LAT2: variants seen among roughly 807,000 people sequenced by gnomAD.
The protein encoded by LAT2 is linker for activation of T cells family member 2, also known as linker for activation of T-cells family member 2.
Under a neutral mutation model 43.4 loss-of-function variants are expected in LAT2, and 23 were observed. That is an observed-to-expected ratio of 0.53 (90% CI 0.38 to 0.75). The LOEUF (loss-of-function observed/expected upper bound fraction) is 0.75, where lower values mean the gene tolerates loss of function less well. Among genes scored for constraint, LAT2 ranks in the 30% least tolerant of loss-of-function variants. The probability of loss-of-function intolerance (pLI) is 0.00; values close to 1 mark genes in which losing one functional copy is unlikely to be tolerated. For synonymous variants in LAT2, 128 were observed against 123.2 expected (o/e 1.04, Z -0.26); for missense variants, 284 against 310.2 (o/e 0.92, Z 0.64).
intron 12 of LAT2, 111 bp from the exon 13 acceptor site, chr7:74,224,528 T>C: frequency 1.1e-6 from 1 of 894,916 alleles, no homozygotes; most frequent in Non-Finnish European, 1.8e-6. Flanking sequence ...CTGTCGGGCG[T>C]GGCATTTCCC....
intron 1 of LAT2, among the ~76,000 whole-genome samples, chr7:74,213,702 C>T (rs575459167): frequency 8.5e-5 from 13 of 152,230 alleles, no homozygotes; most frequent in South Asian, 6.2e-4. Context: ...GGATTACAGG[C>T]GTGAGCCACC....
intron 13 of LAT2, among the ~76,000 whole-genome samples, chr7:74,228,247 C>A (rs1274256605): frequency 7.8e-6 from 1 of 128,904 alleles, no homozygotes; most frequent in East Asian, 2.6e-4. Context: ...GAGGCTGAGG[C>A]GGGCGGATCA....
chr7:74,219,669 T>C, intron 4 of LAT2, 75 bp from the exon 5 acceptor site: 2 of 1,567,296 alleles, frequency 1.3e-6, no homozygotes, highest in Non-Finnish European at 1.8e-6. Flanking sequence ...TCCCTGCCTG[T>C]CCCTCCCTCC....
intron 12 of LAT2, 82 bp downstream of exon 12, chr7:74,224,279 G>A (rs1481830530): frequency 1.4e-6 from 2 of 1,449,338 alleles, no homozygotes; most frequent in African/African-American, 2.8e-5. Context: ...CTGAAAGTGG[G>A]CTTCCCTCCA....
Position 74,229,233 on chromosome 7 carries a change from A to T in LAT2, c.*308A>T, listed in dbSNP as rs1802603173. On this transcript the variant is annotated 3_prime_UTR_variant, in exon 14 of 14. Transcript: ENST00000460943. ...TGGACGGATGCGCAGGATTTAGGATAAGCTGTCACCCAGTCCCCATAACAA... is the reference window on the plus strand; with the variant it reads ...TGGACGGATGCGCAGGATTTAGGATTAGCTGTCACCCAGTCCCCATAACAA... 6.6e-6 allele frequency: 1 copy of T among 152,270 alleles called. No individual in the cohort carries two copies. Among genetic ancestry groups the T allele is most frequent in the South Asian group, 2.1e-4 (1 of 4,838 alleles). The allele number at this position is 152,270 out of a possible 1,614,324, so 9.4% of individuals were successfully genotyped here.
At position 74,224,165 on chromosome 7, in the gene LAT2, T is replaced by C; in HGVS notation, c.596T>C (p.Ile199Thr). ...GAGGATTATCAGAACTCAGCATCCA[T>C]CCATCAGTGGCGCGAGTCCAGGAAG... The part of the protein sequence containing the change: ...ESEDYQNSAS[I>T]HQWRESRKVM... The change falls in exon 12 of 14, where the codon ATC (isoleucine) becomes ACC (threonine). Residue 199 changes from isoleucine to threonine, a missense_variant. Coordinates refer to ENST00000460943, the MANE Select transcript of LAT2 (RefSeq NM_032464.3). 1 of 1,614,076 alleles carries C rather than the reference T, an allele frequency of 6.2e-7. No homozygotes were observed. Among genetic ancestry groups the C allele is most frequent in the Non-Finnish European group, 8.5e-7 (1 of 1,180,026 alleles).
intron 1 of LAT2, 50 bp downstream of exon 1, chr7:74,210,138 C>G (rs1463186123): frequency 6.6e-6 from 1 of 152,632 alleles, no homozygotes; most frequent in Non-Finnish European, 1.5e-5. Flanking sequence ...CCCCATCCCC[C>G]AGGAGCTCCT....
chr7:74,221,629 T>C lies in LAT2; in HGVS notation c.333-8T>C. ...TGAAACCTGTGTTGTATATGTTTTCTTGGCCAGAGACCCCATTGCCATGGA... is the reference window on the plus strand; with the variant it reads ...TGAAACCTGTGTTGTATATGTTTTCCTGGCCAGAGACCCCATTGCCATGGA... On this transcript the variant is annotated splice_region_variant and splice_polypyrimidine_tract_variant and intron_variant, in intron 9 of 13. Transcript: ENST00000460943. 1 of 1,612,966 alleles carries C rather than the reference T, an allele frequency of 6.2e-7. No homozygotes were observed. The highest frequency in any genetic ancestry group is 8.5e-7 in the Non-Finnish European group (1 of 1,179,322).
chr7:74,214,699 A>AAATATATATATGAAAAT (rs1491095486), intron 1 of LAT2, 123 bp from the exon 2 acceptor site: 2 of 84,800 alleles, frequency 2.4e-5, no homozygotes, highest in Admixed American at 1.7e-4. Flanking sequence ...TAATATATAT[A>AAATATATATATGAAAAT]AATATATATA....
chr7:74,214,181 TATATATAAATATATATATGAAA>T (rs1554713685), intron 1 of LAT2, among the ~76,000 whole-genome samples: 3 of 101,478 alleles, frequency 3.0e-5, no homozygotes, highest in African/African-American at 4.4e-5. Flanking sequence ...TATATGAAAA[TATATATAAATATATATATGAAA>T]ATATATATGA....
chr7:74,216,794 A>C, intron 3 of LAT2, 31 bp from the exon 4 acceptor site: 1 of 1,611,542 alleles, frequency 6.2e-7, no homozygotes, highest in South Asian at 1.1e-5. Flanking sequence ...CTGCTCCCAG[A>C]CCCTTTGCTA....
At chr7:74,216,185 T>C (rs532848297) in intron 3 of LAT2, 116 bp downstream of exon 3, 152 of 815,182 alleles carry the variant, frequency 1.9e-4, no homozygotes, top group Non-Finnish European at 2.1e-5. Flanking sequence ...AACCTCGTGA[T>C]GTGACCCCTG....
chr7:74,221,534 A>G (rs1563974165), intron 9 of LAT2, 103 bp from the exon 10 acceptor site: 2 of 703,808 alleles, frequency 2.8e-6, no homozygotes, highest in East Asian at 3.1e-5. Context: ...CCCCAAGAGG[A>G]GCAATGGTGG....
chr7:74,219,694 T>G, intron 4 of LAT2, 50 bp from the exon 5 acceptor site: 1 of 1,611,470 alleles, frequency 6.2e-7, no homozygotes, highest in South Asian at 1.1e-5. Flanking sequence ...CCTGTGTTCT[T>G]GGGCTGTGGG....
Position 74,224,124 on chromosome 7 carries a change from A to G in LAT2, c.555A>G (p.Glu185=), listed in dbSNP as rs1554715720. 1.9e-6 allele frequency: 3 copies of G among 1,614,120 alleles called. No individual in the cohort carries two copies. Among genetic ancestry groups the G allele is most frequent in the South Asian group, 2.2e-5 (2 of 91,054 alleles). ...TSGLCPSASP[E]EDEESEDYQN... is the part of the protein sequence containing the mutation. ...GTCTCTGTCCCTCTGCCTCCCCGGA[A>G]GAAGATGAGGAATCTGAGGATTATC... Residue 185 remains glutamate, a synonymous_variant, in exon 12 of 14, where the codon GAA becomes GAG. Transcript: ENST00000460943.
chr7:74,217,402 G>A (rs560682345), intron 4 of LAT2, among the ~76,000 whole-genome samples: 1 of 151,770 alleles, frequency 6.6e-6, no homozygotes, highest in East Asian at 1.9e-4. Flanking sequence ...CTGCACTCCA[G>A]CCTGGGCAAA....
chr7:74,224,125 G>A lies in LAT2; in HGVS notation c.556G>A (p.Glu186Lys). The change falls in exon 12 of 14, where the codon GAA becomes AAA. Residue 186 changes from glutamate (E) to lysine (K), a missense_variant. Coordinates refer to ENST00000460943, the MANE Select transcript of LAT2 (RefSeq NM_032464.3). ...TCTCTGTCCCTCTGCCTCCCCGGAA[G>A]AAGATGAGGAATCTGAGGATTATCA... Reference protein sequence around the residue: ...SGLCPSASPEEDEESEDYQNS... With the variant: ...SGLCPSASPEKDEESEDYQNS... 1 of 1,614,220 alleles carries A rather than the reference G, an allele frequency of 6.2e-7. No homozygotes were observed. Among genetic ancestry groups the A allele is most frequent in the Non-Finnish European group, 8.5e-7 (1 of 1,180,044 alleles).
rs1554713927 is a variant in LAT2 at position 74,214,683 on chromosome 7, TGA to T, written c.-218-138_-218-137del. The T allele has an allele frequency of 4.3e-4, 35 of 80,902 alleles. 2 individuals carry two copies. The highest frequency in any genetic ancestry group is 6.2e-4 in the East Asian group (2 of 3,230). The allele number at this position is 80,902 out of a possible 1,614,324, so 5.0% of individuals were successfully genotyped here. ...GAAAATATATATATAAATATATATATGAAAATAATATATATAAATATATATAA... is the reference window on the plus strand; with the variant it reads ...GAAAATATATATATAAATATATATATAAATAATATATATAAATATATATAA... On this transcript the variant is annotated intron_variant, in intron 1 of 13. Transcript: ENST00000460943.
At chr7:74,224,500 GAC>G (rs1349849778) in intron 12 of LAT2, 137 bp from the exon 13 acceptor site, 1 of 745,216 alleles carries the variant, frequency 1.3e-6, no homozygotes, top group Non-Finnish European at 2.3e-6. Flanking sequence ...AGACAGGACA[GAC>G]ACACACCGCC....
Sources: allele counts gnomAD v4.1 joint callset (sites outside exome capture counted in the v4.1 genomes callset), GRCh38; gene constraint gnomAD v4.1.1; transcripts MANE v1.5; gene names NCBI Gene and HGNC (gene_info 2026-07-23, HGNC 2026-07-21).